POLN: variants seen among roughly 807,000 people sequenced by gnomAD.
The protein encoded by POLN is DNA polymerase nu.
Under a neutral mutation model 113.5 loss-of-function variants are expected in POLN, and 108 were observed. That is an observed-to-expected ratio of 0.95 (90% CI 0.81 to 1.12). The LOEUF (loss-of-function observed/expected upper bound fraction) is 1.12, where lower values mean the gene tolerates loss of function less well. Ranked by LOEUF, POLN falls within the 50% of genes most tolerant of loss-of-function variation. The probability of loss-of-function intolerance (pLI) is 0.00; values close to 1 mark genes in which losing one functional copy is unlikely to be tolerated. For synonymous variants in POLN, 386 were observed against 391.5 expected, an observed-to-expected ratio of 0.99 and a Z score of 0.17; for missense variants, 1,097 against 1,077.1, an observed-to-expected ratio of 1.02 and a Z score of -0.26.
intron 8 of POLN, among the ~76,000 whole-genome samples, chr4:2,177,798 C>T (rs1281315255): frequency 6.6e-6 from 1 of 152,186 alleles, no homozygotes; most frequent in African/African-American, 2.4e-5. Context: ...GCCTGGCCTC[C>T]CTGGTGGGGT....
chr4:2,238,695 A>G (rs1424444777), intron 2 of POLN: 1 of 1,612,806 alleles, frequency 6.2e-7, no homozygotes, highest in Admixed American at 1.7e-5. Context: ...AATTGCTTGT[A>G]GAGCATCATG....
At chr4:2,118,312 G>C (rs143255300) in intron 19 of POLN, among the ~76,000 whole-genome samples, 42 of 152,216 alleles carry the variant, frequency 2.8e-4, no homozygotes, top group South Asian at 8.3e-4. Flanking sequence ...TTGCTCACAG[G>C]CCTTTTCAGA....
At chr4:2,157,804 A>C (rs1246204278) in intron 15 of POLN, 54 bp downstream of exon 15, 1 of 1,171,022 alleles carries the variant, frequency 8.5e-7, no homozygotes, top group East Asian at 2.4e-5. Flanking sequence ...ATGTATCTGA[A>C]CTCATACAAA....
chr4:2,240,677 C>T, intron 2 of POLN: 1 of 1,614,030 alleles, frequency 6.2e-7, no homozygotes. Flanking sequence ...GTCTAGGTGT[C>T]TTCAAATCAG....
At chr4:2,209,464 G>A (rs1415447846) in intron 4 of POLN, among the ~76,000 whole-genome samples, 1 of 138,146 alleles carries the variant, frequency 7.2e-6, no homozygotes, top group African/African-American at 2.8e-5. Flanking sequence ...GGGCGACAGA[G>A]CAAGACTCCG....
At chr4:2,171,595 A>G (rs757697469) in intron 11 of POLN, among the ~76,000 whole-genome samples, 6 of 151,908 alleles carry the variant, frequency 3.9e-5, no homozygotes, top group Non-Finnish European at 8.8e-5. Flanking sequence ...TCCCAAAGAA[A>G]GCTCTTAAAA....
Position 2,193,466 on chromosome 4 carries a change from C to A in POLN, c.909-150G>T, listed in dbSNP as rs1733503074. 6 of 582,106 alleles carry A rather than the reference C, an allele frequency of 1.0e-5. No homozygotes were observed. In the South Asian group the frequency reaches 1.4e-4, roughly 13 times the overall value. The allele number at this position is 582,106 out of a possible 1,614,324, so 36.1% of individuals were successfully genotyped here. A position where few individuals can be genotyped will look rare whatever the true frequency, so the allele number is the denominator to read the frequency against. ...ATTCCAAGAGGTCACTGTTATTTATCATCTGCGTTTTACAGATGATGAAAG... is the reference window on the plus strand; with the variant it reads ...ATTCCAAGAGGTCACTGTTATTTATAATCTGCGTTTTACAGATGATGAAAG... On this transcript the variant is annotated intron_variant, in intron 6 of 25. Transcript: ENST00000511885.
intron 2 of POLN, chr4:2,240,982 G>A (rs1246913689): frequency 6.9e-7 from 1 of 1,454,944 alleles, no homozygotes; most frequent in Non-Finnish European, 9.3e-7. Flanking sequence ...TATCTGATAT[G>A]GGTTTACGGT....
At chr4:2,216,232 T>C (rs185072861) in intron 3 of POLN, among the ~76,000 whole-genome samples, 16 of 152,360 alleles carry the variant, frequency 1.1e-4, no homozygotes, top group Non-Finnish European at 8.8e-5. Context: ...AATGGCGTTC[T>C]TCCTGTGCCC....
intron 19 of POLN, among the ~76,000 whole-genome samples, chr4:2,099,315 C>G (rs530667375): frequency 6.6e-6 from 1 of 152,350 alleles, no homozygotes; most frequent in South Asian, 2.1e-4. Flanking sequence ...AATACGCTGT[C>G]ACCCAGGTGA....
At position 2,080,988 on chromosome 4, in the gene POLN, G is replaced by A. The variant is rs745875205; in HGVS notation, c.2357C>T (p.Ala786Val). The A allele has an allele frequency of 1.2e-6, 2 of 1,613,886 alleles. No homozygotes were observed. The highest frequency in any genetic ancestry group is 1.7e-6 in the Non-Finnish European group (2 of 1,179,974). Residue 786 changes from alanine to valine, a missense_variant, in exon 23 of 26, where the codon GCA (alanine) becomes GTA (valine). By Grantham distance (64) the Ala-to-Val change is moderately conservative (BLOSUM62 0). Transcript: ENST00000511885. ...CKLAMIHVFTAVAASHTLTAR... is the reference protein window; with the variant it reads ...CKLAMIHVFTVVAASHTLTAR... ...CGTCAAGGTGTGGGAAGCAGCCACTGCAGTGAAGACATGGATCATGGCCAG... is the reference window on the plus strand; with the variant it reads ...CGTCAAGGTGTGGGAAGCAGCCACTACAGTGAAGACATGGATCATGGCCAG...
intron 19 of POLN, among the ~76,000 whole-genome samples, chr4:2,107,908 T>G (rs1010328215): frequency 6.6e-6 from 1 of 152,208 alleles, no homozygotes; most frequent in African/African-American, 2.4e-5. Context: ...TCTGAGGTCT[T>G]GCCATAAGCC....
At chr4:2,189,532 G>GCA (rs1733382366) in intron 7 of POLN, among the ~76,000 whole-genome samples, 1 of 150,850 alleles carries the variant, frequency 6.6e-6, no homozygotes, top group Non-Finnish European at 1.5e-5. Flanking sequence ...CCAGCTACTT[G>GCA]GGAGGCTGAG....
intron 20 of POLN, among the ~76,000 whole-genome samples, chr4:2,091,917 C>T (rs939546403): frequency 2.0e-5 from 3 of 152,234 alleles, no homozygotes; most frequent in Non-Finnish European, 4.4e-5. Context: ...CTGTTTATGT[C>T]TCTAGGGCTG....
chr4:2,146,826 A>C (rs1246999534), intron 16 of POLN, among the ~76,000 whole-genome samples: 1 of 152,228 alleles, frequency 6.6e-6, no homozygotes, highest in East Asian at 1.9e-4. Flanking sequence ...AGGCAGGCGA[A>C]AGCATGAGGA....
intron 5 of POLN, among the ~76,000 whole-genome samples, chr4:2,203,848 G>A (rs1334223460): frequency 6.6e-6 from 1 of 152,024 alleles, no homozygotes; most frequent in Non-Finnish European, 1.5e-5. Flanking sequence ...AGGGGCTCAC[G>A]CCTGTAATCC....
chr4:2,171,530 C>A (rs2108747377), intron 11 of POLN, among the ~76,000 whole-genome samples: 1 of 152,176 alleles, frequency 6.6e-6, no homozygotes, highest in South Asian at 2.1e-4. Flanking sequence ...CATTGCACTG[C>A]AGCCTGTGTG....
intron 19 of POLN, among the ~76,000 whole-genome samples, chr4:2,104,754 A>G (rs1167021920): frequency 3.3e-5 from 5 of 152,186 alleles, no homozygotes; most frequent in Non-Finnish European, 7.3e-5. Flanking sequence ...GTGAAACATG[A>G]CAGCTGTATC....
At chr4:2,134,432 C>T (rs1326240701) in intron 16 of POLN, among the ~76,000 whole-genome samples, 2 of 152,148 alleles carry the variant, frequency 1.3e-5, no homozygotes, top group Non-Finnish European at 2.9e-5. Context: ...CTGCCAAACT[C>T]GAAAAGTGGC....
Sources: allele counts gnomAD v4.1 joint callset (sites outside exome capture counted in the v4.1 genomes callset), GRCh38; gene constraint gnomAD v4.1.1; transcripts MANE v1.5; gene names NCBI Gene and HGNC (gene_info 2026-07-23, HGNC 2026-07-21).